Variants in RERE observed in about 807,000 individuals in gnomAD.
RERE encodes the protein arginine-glutamic acid dipeptide repeats, also known as arginine-glutamic acid dipeptide repeats protein.
RERE carries 40 observed loss-of-function variants against 146.1 expected under a neutral mutation model. The observed-to-expected ratio is 0.27, with a 90% CI of 0.21 to 0.36. The LOEUF is 0.36. Among genes scored for constraint, RERE ranks in the 10% least tolerant of loss-of-function variants. The pLI is 1.00. For missense variants in RERE, 1,933 were observed against 2,138.7 expected (o/e 0.90, Z 1.90); for synonymous variants, 1,003 against 866.0 (o/e 1.16, Z -2.78).
At chr1:8,776,629 A>G (rs1641068584) in intron 1 of RERE, among the ~76,000 whole-genome samples, 1 of 152,168 alleles carries the variant, frequency 6.6e-6, no homozygotes, top group Admixed American at 6.5e-5. Context: ...TAAGCATGTA[A>G]TATACAACTT....
chr1:8,430,051 C>T (rs1644074967), intron 11 of RERE: 1 of 152,234 alleles, frequency 6.6e-6, no homozygotes, highest in South Asian at 2.1e-4. Flanking sequence ...ATTTGTATTA[C>T]ATGATGCTGG....
chr1:8,368,296 C>A (rs1377210791), intron 12 of RERE, among the ~76,000 whole-genome samples: 6 of 151,756 alleles, frequency 4.0e-5, no homozygotes, highest in Non-Finnish European at 8.8e-5. Flanking sequence ...ATGGTGAAAC[C>A]CTGTCTCTAC....
chr1:8,696,850 T>C (rs1370529473), intron 1 of RERE, among the ~76,000 whole-genome samples: 2 of 151,250 alleles, frequency 1.3e-5, no homozygotes, highest in African/African-American at 4.9e-5. Flanking sequence ...GCAGAGATTA[T>C]AGAGAGCTGA....
At chr1:8,458,654 A>G (rs1644484912) in intron 11 of RERE, among the ~76,000 whole-genome samples, 1 of 152,198 alleles carries the variant, frequency 6.6e-6, no homozygotes, top group Non-Finnish European at 1.5e-5. Context: ...TTTTAATCTA[A>G]AAGTAGGGCT....
intron 1 of RERE, among the ~76,000 whole-genome samples, chr1:8,683,110 T>C (rs1410419166): frequency 7.2e-6 from 1 of 139,072 alleles, no homozygotes; most frequent in East Asian, 2.2e-4. Context: ...AAACCAAATA[T>C]AACAAATGTT....
intron 12 of RERE, among the ~76,000 whole-genome samples, chr1:8,383,588 C>T (rs559415423): frequency 1.2e-4 from 18 of 152,096 alleles, no homozygotes; most frequent in Non-Finnish European, 2.2e-4. Flanking sequence ...GGGCCAGGTG[C>T]GGTGGCTCAT....
At chr1:8,632,118 ACTG>A (rs1294817126) in intron 2 of RERE, among the ~76,000 whole-genome samples, 3 of 152,244 alleles carry the variant, frequency 2.0e-5, no homozygotes, top group Admixed American at 2.0e-4. Flanking sequence ...AATGATGAGA[ACTG>A]ATATATGGCT....
rs140954654 is a variant in RERE, at chr1:8,462,928, T to C, written c.1203+2997A>G. On this transcript the variant is annotated intron_variant, in intron 11 of 22. Transcript: ENST00000400908. Reference sequence around the variant, plus strand: ...TAATAATTAGAATGTTCCAAGTATATAGAAAACTGGGAGGAAAAAAGGGGG... The same window carrying C: ...TAATAATTAGAATGTTCCAAGTATACAGAAAACTGGGAGGAAAAAAGGGGG... 2.0e-3 allele frequency among the ~76,000 whole-genome samples: 304 copies of C among 152,172 alleles called. 4 individuals are homozygous for C. Among genetic ancestry groups the C allele is most frequent in the South Asian group, 0.015 (70 of 4,812 alleles).
rs985064292 is a variant in RERE at position 8,364,411 on chromosome 1, C to T, written c.1541-156G>A. ...ACACCCCAGGGCTAGTGCTGCCCTG[C>T]TCCCCCAAGGCCAGGAGAGGGTTTC... On this transcript the variant is annotated intron_variant, in intron 14 of 22. Coordinates refer to ENST00000400908, the MANE Select transcript of RERE (RefSeq NM_001042681.2). The surrounding 1 kb of genome is among the most constrained non-coding windows in gnomAD (Gnocchi z 5.1). Among the ~76,000 whole-genome samples the T allele has an allele frequency of 1.3e-5, 2 of 152,062 alleles. No homozygotes were observed. The highest frequency in any genetic ancestry group is 2.1e-4 in the South Asian group (1 of 4,832).
rs116093479 is a variant in RERE at position 8,776,814 on chromosome 1, G to A, written c.-145+40346C>T. Among the ~76,000 whole-genome samples, 908 of 152,142 alleles carry A rather than the reference G, an allele frequency of 6.0e-3. 6 individuals are homozygous for A. Among genetic ancestry groups the A allele is most frequent in the African/African-American group, 0.021 (880 of 41,486 alleles). The stretch of plus-strand genomic sequence containing the variant: ...GCTCACTGCAGCCTCGACCTCCCCG[G>A]GATCAGGTGATCCTCCCACCTCAGC... On this transcript the variant is annotated intron_variant, in intron 1 of 22. Coordinates refer to ENST00000400908, the MANE Select transcript of RERE (RefSeq NM_001042681.2).
intron 10 of RERE, among the ~76,000 whole-genome samples, chr1:8,487,947 G>A (rs1290604289): frequency 1.3e-5 from 2 of 152,048 alleles, no homozygotes; most frequent in African/African-American, 4.8e-5. Context: ...CTTATTGTAA[G>A]AAGTAAAAGA....
chr1:8,780,778 G>C (rs766638936), intron 1 of RERE, among the ~76,000 whole-genome samples: 5 of 152,154 alleles, frequency 3.3e-5, no homozygotes, highest in Non-Finnish European at 5.9e-5. Flanking sequence ...TATGTCATCT[G>C]AGAGCAATCC....
At chr1:8,553,874 A>C (rs1320635074) in intron 6 of RERE, among the ~76,000 whole-genome samples, 2 of 152,212 alleles carry the variant, frequency 1.3e-5, no homozygotes, top group Non-Finnish European at 2.9e-5. Context: ...TTGTTCTTCT[A>C]AAAATGCTAA....
At chr1:8,701,418 CAAAG>C (rs1639448569) in intron 1 of RERE, among the ~76,000 whole-genome samples, 1 of 151,892 alleles carries the variant, frequency 6.6e-6, no homozygotes, top group African/African-American at 2.4e-5. Context: ...AACACACACA[CAAAG>C]GAAGTGGTAC....
chr1:8,571,793 G>A (rs1418476673), intron 4 of RERE, among the ~76,000 whole-genome samples: 1 of 152,166 alleles, frequency 6.6e-6, no homozygotes, highest in Admixed American at 6.5e-5. Flanking sequence ...CTGCTGGAGA[G>A]GAGAAATGGA....
At chr1:8,500,633 C>G (rs1294469185) in intron 8 of RERE, among the ~76,000 whole-genome samples, 1 of 152,186 alleles carries the variant, frequency 6.6e-6, no homozygotes, top group Non-Finnish European at 1.5e-5. Context: ...GGCCGCCACC[C>G]CGTCTGGGAA....
chr1:8,498,248 A>G (rs942850263), intron 8 of RERE, among the ~76,000 whole-genome samples: 3 of 152,046 alleles, frequency 2.0e-5, no homozygotes, highest in African/African-American at 7.2e-5. Flanking sequence ...AATTCCAGCT[A>G]CTCAGGAGGC....
Position 8,360,400 on chromosome 1 carries a change from T to C in RERE, c.3107A>G (p.Gln1036Arg). Residue 1036 changes from glutamine to arginine, a missense_variant, in exon 18 of 23, where the codon CAG (glutamine) becomes CGG (arginine). By Grantham distance (43) the Gln-to-Arg change is conservative (BLOSUM62 1). Transcript: ENST00000400908. ...HQVAPQPPFA[Q>R]HPFVPGGPPP... The stretch of plus-strand genomic sequence containing the variant: ...AGGGCCTCCAGGGACAAAGGGGTGC[T>C]GAGCAAACGGGGGTTGGGGGGCCAC... 2 of 1,063,070 alleles carry C rather than the reference T, an allele frequency of 1.9e-6. No homozygotes were observed. Among genetic ancestry groups the C allele is most frequent in the Non-Finnish European group, 2.3e-6 (2 of 881,870 alleles). 65.9% of individuals were successfully genotyped at this position (1,063,070 alleles called of 1,614,324 possible).
intron 1 of RERE, among the ~76,000 whole-genome samples, chr1:8,673,956 C>T (rs542630347): frequency 6.6e-6 from 1 of 152,212 alleles, no homozygotes; most frequent in African/African-American, 2.4e-5. Flanking sequence ...TCACTTGAGC[C>T]TGGGAGGTTG....
Sources: allele counts gnomAD v4.1 joint callset (sites outside exome capture counted in the v4.1 genomes callset), GRCh38; gene constraint gnomAD v4.1.1; non-coding constraint Gnocchi (gnomAD v3.1); transcripts MANE v1.5; gene names NCBI Gene and HGNC (gene_info 2026-07-23, HGNC 2026-07-21).